RERE: variants seen among roughly 807,000 people sequenced by gnomAD.
RERE encodes arginine-glutamic acid dipeptide repeats.
A neutral mutation model predicts 146.1 loss-of-function variants in RERE; 40 were observed. The ratio of observed to expected loss-of-function variants is 0.27; its 90% CI spans 0.21 to 0.36. RERE has a LOEUF of 0.36. Ranked by LOEUF, RERE falls within the 10% of genes least tolerant of loss-of-function variation. The probability of loss-of-function intolerance (pLI) is 1.00; values close to 1 mark genes in which losing one functional copy is unlikely to be tolerated. For synonymous variants in RERE, 1,003 were observed against 866.0 expected (o/e 1.16, Z -2.78); for missense variants, 1,933 against 2,138.7 (o/e 0.90, Z 1.90).
chr1:8,599,444 A>G (rs1646595244), intron 4 of RERE, among the ~76,000 whole-genome samples: 1 of 152,184 alleles, frequency 6.6e-6, no homozygotes, highest in African/African-American at 2.4e-5. Context: ...ACTGTTAAAC[A>G]CAGAGAATAT....
At chr1:8,457,540 A>G (rs2124095193) in intron 11 of RERE, among the ~76,000 whole-genome samples, 1 of 152,340 alleles carries the variant, frequency 6.6e-6, no homozygotes, top group Non-Finnish European at 1.5e-5. Context: ...GATGGCAATT[A>G]GGGGGCTACC....
chr1:8,683,714 G>T (rs768708055), intron 1 of RERE, among the ~76,000 whole-genome samples: 2 of 152,158 alleles, frequency 1.3e-5, no homozygotes, highest in African/African-American at 4.8e-5. Context: ...AGGCCAAGGC[G>T]GGCGGATCAC....
chr1:8,576,511 T>G (rs1179030883), intron 4 of RERE, among the ~76,000 whole-genome samples: 1 of 152,218 alleles, frequency 6.6e-6, no homozygotes, highest in Non-Finnish European at 1.5e-5. Context: ...AAAGATGAAC[T>G]ATTTAATGAG....
At chr1:8,369,991 T>C (rs1298706963) in intron 12 of RERE, among the ~76,000 whole-genome samples, 1 of 151,894 alleles carries the variant, frequency 6.6e-6, no homozygotes, top group Non-Finnish European at 1.5e-5. Context: ...GGGGTTTCAC[T>C]GTGTTTGCCA....
chr1:8,604,644 G>GGAAT, intron 4 of RERE, among the ~76,000 whole-genome samples: 1 of 146,922 alleles, frequency 6.8e-6, no homozygotes, highest in Non-Finnish European at 1.5e-5. Flanking sequence ...AAGGAAGGAA[G>GGAAT]GAAGGAAGGA....
At chr1:8,725,099 G>A (rs1639934818) in intron 1 of RERE, among the ~76,000 whole-genome samples, 1 of 152,072 alleles carries the variant, frequency 6.6e-6, no homozygotes, top group Non-Finnish European at 1.5e-5. Context: ...ATGCACAAGT[G>A]GTGACAGAAG....
intron 2 of RERE, among the ~76,000 whole-genome samples, chr1:8,643,108 AC>A (rs1302131469): frequency 6.6e-6 from 1 of 152,212 alleles, no homozygotes; most frequent in African/African-American, 2.4e-5. Flanking sequence ...GGTGTGAGTG[AC>A]TGTGAAAGGT....
intron 2 of RERE, among the ~76,000 whole-genome samples, chr1:8,625,467 C>T (rs1216618626): frequency 6.6e-6 from 1 of 152,018 alleles, no homozygotes; most frequent in Non-Finnish European, 1.5e-5. Context: ...ACCACAATGC[C>T]TCATTCATTC....
At chr1:8,730,730 C>T (rs142447269) in intron 1 of RERE, among the ~76,000 whole-genome samples, 159 of 152,302 alleles carry the variant, frequency 1.0e-3, no homozygotes, top group African/African-American at 3.5e-3. Context: ...CATCTACCTC[C>T]CAGGCTCCCA....
intron 1 of RERE, among the ~76,000 whole-genome samples, chr1:8,776,836 CAG>C (rs1228165288): frequency 2.0e-5 from 3 of 152,090 alleles, no homozygotes; most frequent in African/African-American, 7.2e-5. Context: ...CCTCCCACCT[CAG>C]CCTCCGGAAT....
intron 12 of RERE, among the ~76,000 whole-genome samples, chr1:8,404,020 G>A (rs1314635637): frequency 2.6e-5 from 4 of 151,398 alleles, no homozygotes; most frequent in Admixed American, 1.3e-4. Flanking sequence ...TAGTAGAGAC[G>A]GGGTTTCACC....
At chr1:8,511,276 G>A (rs1645332031) in intron 7 of RERE, among the ~76,000 whole-genome samples, 1 of 152,080 alleles carries the variant, frequency 6.6e-6, no homozygotes, top group Admixed American at 6.6e-5. Context: ...CTTGAAAATT[G>A]TTTAAGTTTA....
At chr1:8,780,432 C>T (rs892589211) in intron 1 of RERE, among the ~76,000 whole-genome samples, 5 of 152,172 alleles carry the variant, frequency 3.3e-5, no homozygotes, top group African/African-American at 1.2e-4. Flanking sequence ...CTCTTCAAGC[C>T]ACACTGACTC....
intron 1 of RERE, among the ~76,000 whole-genome samples, chr1:8,762,484 C>T (rs1013623731): frequency 6.6e-6 from 1 of 152,124 alleles, no homozygotes; most frequent in Non-Finnish European, 1.5e-5. Flanking sequence ...ATTGTGAAGA[C>T]TAATCATAAT....
chr1:8,500,992 A>G (rs1435770017), intron 8 of RERE, among the ~76,000 whole-genome samples: 13 of 103,522 alleles, frequency 1.3e-4, no homozygotes, highest in African/African-American at 3.5e-4. Flanking sequence ...CCGTCTGGGA[A>G]GTGAGGAGCG....
Position 8,677,656 on chromosome 1 carries a change from A to ACC in RERE, c.-144-21217_-144-21216dup, listed in dbSNP as rs111673051. On this transcript the variant is annotated intron_variant, in intron 1 of 22. Transcript: ENST00000400908. ...CTGTAGGGCTCCACTGACAGAACAT[A>ACC]CCCTTGTCCTTGCTAGTTTTGTAAA... 9.9e-3 allele frequency among the ~76,000 whole-genome samples: 1,509 copies of ACC among 152,160 alleles called. 26 individuals are homozygous for ACC. The highest frequency in any genetic ancestry group is 0.035 in the African/African-American group (1,446 of 41,512).
intron 4 of RERE, among the ~76,000 whole-genome samples, chr1:8,572,667 T>C (rs1454090215): frequency 6.6e-6 from 1 of 152,244 alleles, no homozygotes; most frequent in Non-Finnish European, 1.5e-5. Context: ...AGATGGTTGC[T>C]GAGTATATAG....
intron 6 of RERE, among the ~76,000 whole-genome samples, chr1:8,555,440 T>C (rs1645995595): frequency 6.6e-6 from 1 of 152,162 alleles, no homozygotes; most frequent in African/African-American, 2.4e-5. Context: ...GCTACTAATT[T>C]ACCTTGAAAT....
intron 4 of RERE, among the ~76,000 whole-genome samples, chr1:8,559,821 C>A (rs111938897): frequency 2.0e-5 from 3 of 152,232 alleles, no homozygotes; most frequent in Non-Finnish European, 4.4e-5. Context: ...CTTTAGTGAG[C>A]TTACAGGACA....
Sources: allele counts gnomAD v4.1 joint callset (sites outside exome capture counted in the v4.1 genomes callset), GRCh38; gene constraint gnomAD v4.1.1; transcripts MANE v1.5; gene names NCBI Gene and HGNC (gene_info 2026-07-23, HGNC 2026-07-21).